The following GDPGP1 variants were observed in gnomAD, a reference collection of about 807,000 sequenced individuals.
GDPGP1 encodes the protein GDP-D-glucose phosphorylase 1, also known as GDP-D-glucose phosphorylase C15orf58.
A neutral mutation model predicts 19.2 loss-of-function variants in GDPGP1; 18 were observed. That is an observed-to-expected ratio of 0.94 (90% confidence interval 0.65 to 1.39). The LOEUF is 1.39. Ranked by LOEUF, GDPGP1 falls within the 40% of genes most tolerant of loss-of-function variation. The pLI is 0.00. For synonymous variants in GDPGP1, 219 were observed against 208.9 expected, an observed-to-expected ratio of 1.05 and a Z score of -0.42; for missense variants, 449 against 490.5, an observed-to-expected ratio of 0.92 and a Z score of 0.80.
rs368673967 is a variant in GDPGP1, at chr15:90,241,149, C to T, written c.241C>T (p.Arg81Trp). The T allele has an allele frequency of 1.4e-5, 22 of 1,614,146 alleles. No individual in the cohort carries two copies. In the Middle Eastern group the frequency reaches 4.9e-4, roughly 36 times the overall value. ...VELGLFRYRLRELQTQILPGA... is the reference protein window; with the variant it reads ...VELGLFRYRLWELQTQILPGA... ...GCTGGGGCTGTTTCGCTACCGTCTA[C>T]GGGAGCTACAGACCCAAATCCTCCC... Residue 81 changes from arginine (R) to tryptophan (W), a missense_variant, in exon 4 of 4, where the codon CGG becomes TGG. Transcript: ENST00000329600.
At chr15:90,237,545 A>T (rs56156140) in intron 2 of GDPGP1, among the ~76,000 whole-genome samples, 1 of 151,564 alleles carries the variant, frequency 6.6e-6, no homozygotes, top group African/African-American at 2.4e-5. Flanking sequence ...CAGCCTCCCA[A>T]TGTGCTGGTC....
At chr15:90,240,781 T>G in intron 3 of GDPGP1, 119 bp from the exon 4 acceptor site, 1 of 672,934 alleles carries the variant, frequency 1.5e-6, no homozygotes. Flanking sequence ...GCCACTGCAC[T>G]CCAGCCTGGG....
In GDPGP1 at chr15:90,241,732, G is replaced by A. The variant is rs189764314; in HGVS notation, c.824G>A (p.Arg275Gln). Residue 275 changes from arginine (R) to glutamine (Q), a missense_variant, in exon 4 of 4, where the codon CGG (arginine) becomes CAG (glutamine). Transcript: ENST00000329600. ...DLESLISRVCRATDYLTDHEI... is the reference protein window; with the variant it reads ...DLESLISRVCQATDYLTDHEI... ...GAGTCCTTGATAAGCAGGGTATGTCGGGCCACTGATTATCTGACTGACCAT... is the reference window on the plus strand; with the variant it reads ...GAGTCCTTGATAAGCAGGGTATGTCAGGCCACTGATTATCTGACTGACCAT... 7 of 1,614,194 alleles carry A rather than the reference G, an allele frequency of 4.3e-6. No individual in the cohort carries two copies. In the African/African-American group the frequency reaches 5.3e-5, roughly 12 times the overall value.
At chr15:90,235,397 CTCT>C (rs1476748268) in intron 2 of GDPGP1, among the ~76,000 whole-genome samples, 8 of 152,156 alleles carry the variant, frequency 5.3e-5, no homozygotes, top group African/African-American at 1.9e-4. Context: ...AAAACCCCAT[CTCT>C]ACTAAAAATA....
At position 90,242,548 on chromosome 15, in the gene GDPGP1, T is replaced by C. The variant is rs1048247669; in HGVS notation, c.*482T>C. On this transcript the variant is annotated 3_prime_UTR_variant, in exon 4 of 4. Transcript: ENST00000329600. The stretch of plus-strand genomic sequence containing the variant: ...ACCTCCACCTCTAGGGTTCGAGTGA[T>C]CCTCCTGGCTCAGCCTCCCGAGTAG... 1 of 143,886 alleles carries C rather than the reference T, an allele frequency of 6.9e-6. No homozygotes were observed. Among genetic ancestry groups the C allele is most frequent in the African/African-American group, 2.6e-5 (1 of 37,860 alleles). 8.9% of individuals were successfully genotyped at this position (143,886 alleles called of 1,614,324 possible).
chr15:90,237,352 G>T (rs1299224081), intron 2 of GDPGP1, among the ~76,000 whole-genome samples: 1 of 137,730 alleles, frequency 7.3e-6, no homozygotes, highest in Non-Finnish European at 1.5e-5. Flanking sequence ...CACCACCTCA[G>T]TTCACCACAA....
At chr15:90,240,210 G>C (rs1210801047) in intron 3 of GDPGP1, among the ~76,000 whole-genome samples, 1 of 149,204 alleles carries the variant, frequency 6.7e-6, no homozygotes, top group East Asian at 2.0e-4. Flanking sequence ...GTGACAGAGT[G>C]ATAAATAAAT....
chr15:90,243,922 G>A lies in GDPGP1; in HGVS notation c.*1856G>A, dbSNP rs1218730791. 6.6e-6 allele frequency: 1 copy of A among 150,432 alleles called. No individual in the cohort carries two copies. The highest frequency in any genetic ancestry group is 1.5e-5 in the Non-Finnish European group (1 of 68,080). 9.3% of individuals were successfully genotyped at this position (150,432 alleles called of 1,614,324 possible). On this transcript the variant is annotated 3_prime_UTR_variant, in exon 4 of 4. Coordinates refer to ENST00000329600, the MANE Select transcript of GDPGP1 (RefSeq NM_001013657.3). ...CCCAAAGTGCTGAGATTATAGGCAT[G>A]AGCCACTGCACCTGGCCTGAGTTTT...
chr15:90,239,508 G>A (rs1051016086), intron 3 of GDPGP1, among the ~76,000 whole-genome samples: 1 of 152,122 alleles, frequency 6.6e-6, no homozygotes, highest in African/African-American at 2.4e-5. Flanking sequence ...GCAGCAGCAG[G>A]GAGATGTGCA....
At chr15:90,236,971 T>C (rs1202298477) in intron 2 of GDPGP1, among the ~76,000 whole-genome samples, 1 of 151,766 alleles carries the variant, frequency 6.6e-6, no homozygotes, top group Non-Finnish European at 1.5e-5. Flanking sequence ...ATTTTATTTA[T>C]TTTTTTGAGA....
chr15:90,241,754 C>T lies in GDPGP1; in HGVS notation c.846C>T (p.Asp282=). The T allele has an allele frequency of 1.2e-6, 2 of 1,614,228 alleles. No individual in the cohort carries two copies. Among genetic ancestry groups the T allele is most frequent in the Non-Finnish European group, 1.7e-6 (2 of 1,180,030 alleles). The change falls in exon 4 of 4, where the codon GAC becomes GAT. Residue 282 remains aspartate, a synonymous_variant. Coordinates refer to ENST00000329600, the MANE Select transcript of GDPGP1 (RefSeq NM_001013657.3). ...RVCRATDYLT[D]HEIAHNLFVT... ...GTCGGGCCACTGATTATCTGACTGACCATGAGATTGCTCATAACTTGTTTG... is the reference window on the plus strand; with the variant it reads ...GTCGGGCCACTGATTATCTGACTGATCATGAGATTGCTCATAACTTGTTTG...
chr15:90,241,898 T>C lies in GDPGP1; in HGVS notation c.990T>C (p.Val330=). The C allele has an allele frequency of 6.2e-7, 1 of 1,614,140 alleles. No homozygotes were observed. The highest frequency in any genetic ancestry group is 8.5e-7 in the Non-Finnish European group (1 of 1,180,014). ...FGIKDGEAFN[V]ALCELAGHLP... is the part of the protein sequence containing the mutation. ...TAAAGGACGGTGAAGCTTTCAATGT[T>C]GCCCTCTGTGAGCTGGCTGGGCACC... is the stretch of plus-strand genomic sequence containing the variant. The change falls in exon 4 of 4, where the codon GTT becomes GTC. Residue 330 remains valine, a synonymous_variant. Transcript: ENST00000329600.
Position 90,241,460 on chromosome 15 carries a change from T to C in GDPGP1, c.552T>C (p.Gly184=). The C allele has an allele frequency of 6.2e-7, 1 of 1,613,622 alleles. No individual in the cohort carries two copies. Among genetic ancestry groups the C allele is most frequent in the Non-Finnish European group, 8.5e-7 (1 of 1,180,006 alleles). Residue 184 remains glycine (G), a synonymous_variant, in exon 4 of 4, where the codon GGT becomes GGC. Transcript: ENST00000329600. ...ARQLPQRLLP[G]ALRAGIEAVL... is the part of the protein sequence containing the mutation. ...AGCTCCCCCAGCGCCTGCTGCCGGG[T>C]GCACTGAGGGCAGGGATTGAGGCTG...
chr15:90,240,915 C>T lies in GDPGP1; in HGVS notation c.7C>T (p.Leu3Phe). The change falls in exon 4 of 4, where the codon CTT (leucine) becomes TTT (phenylalanine). Residue 3 changes from leucine to phenylalanine, a missense_variant. By Grantham distance (22) the Leu-to-Phe change is conservative. Transcript: ENST00000329600. ...ACTATTTCAGGTCAGCTCTATGGCTCTTCCACATGATTCAAACGAAACTTC... is the reference window on the plus strand; with the variant it reads ...ACTATTTCAGGTCAGCTCTATGGCTTTTCCACATGATTCAAACGAAACTTC... MA[L>F]PHDSNETSYL... 1 of 1,612,518 alleles carries T rather than the reference C, an allele frequency of 6.2e-7. No individual in the cohort carries two copies. The highest frequency in any genetic ancestry group is 8.5e-7 in the Non-Finnish European group (1 of 1,178,792).
Position 90,242,425 on chromosome 15 carries a change from C to CTCTTTTT in GDPGP1, c.*360_*361insCTTTTTT, listed in dbSNP as rs1567073659. 9.9e-6 allele frequency: 1 copy of CTCTTTTT among 100,584 alleles called. No individual in the cohort carries two copies. Among genetic ancestry groups the CTCTTTTT allele is most frequent in the African/African-American group, 3.6e-5 (1 of 27,688 alleles). The allele number at this position is 100,584 out of a possible 1,614,324, so 6.2% of individuals were successfully genotyped here. Reference sequence around the variant, plus strand: ...CAGGAGTGAGCCCCTGGATTCTTTTCTGTTTCTTTTTTTTTTTTTTTTTTT... The same window carrying CTCTTTTT: ...CAGGAGTGAGCCCCTGGATTCTTTTCTCTTTTTTGTTTCTTTTTTTTTTTTTTTTTTT... On this transcript the variant is annotated 3_prime_UTR_variant, in exon 4 of 4. Coordinates refer to ENST00000329600, the MANE Select transcript of GDPGP1 (RefSeq NM_001013657.3).
rs965490300 is a variant in GDPGP1 at position 90,241,498 on chromosome 15, T to C, written c.590T>C (p.Leu197Ser). The change falls in exon 4 of 4, where the codon TTA (leucine) becomes TCA (serine). Residue 197 changes from leucine to serine, a missense_variant. Leu to Ser is a moderately radical substitution (Grantham distance 145). Transcript: ENST00000329600. ...RAGIEAVLLS[L>S]HPGFRVGFNS... ...GGGATTGAGGCTGTGCTGCTGAGCT[T>C]ACACCCGGGCTTCCGTGTCGGCTTC... is the stretch of plus-strand genomic sequence containing the variant. 2 of 1,613,814 alleles carry C rather than the reference T, an allele frequency of 1.2e-6. No individual in the cohort carries two copies. The highest frequency in any genetic ancestry group is 1.3e-5 in the African/African-American group (1 of 75,056).
rs1962801084 is a variant in GDPGP1, at chr15:90,243,193, T to G, written c.*1127T>G. On this transcript the variant is annotated 3_prime_UTR_variant, in exon 4 of 4. Coordinates refer to ENST00000329600, the MANE Select transcript of GDPGP1 (RefSeq NM_001013657.3). ...TATTCCCCTTTGCTCACCACTTATT[T>G]TTATTGCTTTGTCCCTTCTTTCCAT... 1.3e-5 allele frequency: 2 copies of G among 152,194 alleles called. No individual in the cohort carries two copies. Among genetic ancestry groups the G allele is most frequent in the Non-Finnish European group, 2.9e-5 (2 of 68,050 alleles). 9.4% of individuals were successfully genotyped at this position (152,194 alleles called of 1,614,324 possible).
In GDPGP1 at chr15:90,242,350, C is replaced by A; in HGVS notation, c.*284C>A. The A allele has an allele frequency of 4.9e-6, 1 of 203,376 alleles. No individual in the cohort carries two copies. Among genetic ancestry groups the A allele is most frequent in the South Asian group, 1.5e-4 (1 of 6,572 alleles). 12.6% of individuals were successfully genotyped at this position (203,376 alleles called of 1,614,324 possible). A position where few individuals can be genotyped will look rare whatever the true frequency, so the allele number is the denominator to read the frequency against. On this transcript the variant is annotated 3_prime_UTR_variant, in exon 4 of 4. Transcript: ENST00000329600. Reference sequence around the variant, plus strand: ...ATGTTGCCCAGGCTGGTCTTGAACTCTTGGGCTGAAGCAGTCCTCCCACCT... The same window carrying A: ...ATGTTGCCCAGGCTGGTCTTGAACTATTGGGCTGAAGCAGTCCTCCCACCT...
At chr15:90,239,670 A>G (rs1454179897) in intron 3 of GDPGP1, among the ~76,000 whole-genome samples, 2 of 152,192 alleles carry the variant, frequency 1.3e-5, no homozygotes, top group Non-Finnish European at 2.9e-5. Flanking sequence ...GAACCACAAG[A>G]TGAAATTTGG....
Sources: allele counts gnomAD v4.1 joint callset (sites outside exome capture counted in the v4.1 genomes callset), GRCh38; gene constraint gnomAD v4.1.1; transcripts MANE v1.5; gene names NCBI Gene and HGNC (gene_info 2026-07-23, HGNC 2026-07-21).